Variants in C12orf42 observed in about 807,000 individuals in gnomAD.
The protein encoded by C12orf42 is chromosome 12 open reading frame 42, also known as uncharacterized protein C12orf42.
In C12orf42, 25 loss-of-function variants were observed where a neutral mutation model predicts 21.6. The observed-to-expected ratio is 1.16, with a 90% CI of 0.84 to 1.62. C12orf42 has a LOEUF of 1.62. C12orf42 is among the 40% of genes most tolerant of loss of function. The pLI, the probability that C12orf42 is intolerant of heterozygous loss-of-function variation, is 0.00. For synonymous variants in C12orf42, 174 were observed against 175.0 expected (o/e 0.99, Z 0.05); for missense variants, 483 against 459.3 (o/e 1.05, Z -0.47).
rs117335065 is a variant in C12orf42 at position 103,325,392 on chromosome 12, A to G, written c.260-19047T>C. 7.0e-3 allele frequency among the ~76,000 whole-genome samples: 1,073 copies of G among 152,336 alleles called. 5 individuals are homozygous for G. Among genetic ancestry groups the G allele is most frequent in the Non-Finnish European group, 0.012 (844 of 68,020 alleles). ...CAGTTATCTCTACCAATAAATAATT[A>G]TGTGGCTCAAAGTGCATGTGCCTGC... On this transcript the variant is annotated intron_variant, in intron 4 of 5. Coordinates refer to ENST00000548883, the MANE Select transcript of C12orf42 (RefSeq NM_198521.5).
At chr12:103,386,354 G>A (rs1038248143) in intron 3 of C12orf42, among the ~76,000 whole-genome samples, 15 of 151,902 alleles carry the variant, frequency 9.9e-5, no homozygotes, top group African/African-American at 3.1e-4. Context: ...CTCGGTGGCA[G>A]TTCCAACCTC....
intron 4 of C12orf42, among the ~76,000 whole-genome samples, chr12:103,341,112 CAAAAAAAAA>C (rs34154888): frequency 8.4e-5 from 4 of 47,684 alleles, no homozygotes; most frequent in African/African-American, 3.2e-4. Flanking sequence ...GACTCTGTCT[CAAAAAAAAA>C]AAAAAAAAAA....
the C12orf42 span, among the ~76,000 whole-genome samples, chr12:103,517,660 T>G: frequency 6.6e-6 from 1 of 151,960 alleles, no homozygotes; most frequent in African/African-American, 2.4e-5. Context: ...GGAAGTGTAT[T>G]GCCTTGAGCT....
chr12:103,287,328 G>T (rs530892796), intron 4 of C12orf42, among the ~76,000 whole-genome samples: 25 of 152,288 alleles, frequency 1.6e-4, no homozygotes, highest in African/African-American at 5.8e-4. Context: ...TGATAGACTG[G>T]ATTAAGAAAA....
chr12:103,212,957 G>A, the C12orf42 span, among the ~76,000 whole-genome samples: 1 of 151,806 alleles, frequency 6.6e-6, no homozygotes, highest in Non-Finnish European at 1.5e-5. Context: ...TATATATGGT[G>A]TATGTATGCA....
the C12orf42 span, among the ~76,000 whole-genome samples, chr12:103,508,236 G>A: frequency 6.6e-6 from 1 of 152,158 alleles, no homozygotes; most frequent in African/African-American, 2.4e-5. Context: ...TAAAGGTTGT[G>A]AAAGTGTGAA....
intron 10 of C12orf42, among the ~76,000 whole-genome samples, chr12:103,243,182 C>T: frequency 1.3e-5 from 2 of 152,092 alleles, no homozygotes; most frequent in Middle Eastern, 3.4e-3. Context: ...CACCACCATG[C>T]CCAGCTATTT....
intron 1 of C12orf42, among the ~76,000 whole-genome samples, chr12:103,484,261 A>G (rs1954668922): frequency 6.6e-6 from 1 of 152,220 alleles, no homozygotes; most frequent in Non-Finnish European, 1.5e-5. Flanking sequence ...TGGTTGAACT[A>G]ATTTACACTC....
chr12:103,251,532 A>G (rs774272069), intron 10 of C12orf42, among the ~76,000 whole-genome samples: 10 of 152,150 alleles, frequency 6.6e-5, no homozygotes, highest in Non-Finnish European at 1.3e-4. Flanking sequence ...GGTTTTATAT[A>G]TTAATAGCAT....
chr12:103,366,616 A>T (rs2044626259), intron 4 of C12orf42, among the ~76,000 whole-genome samples: 1 of 152,100 alleles, frequency 6.6e-6, no homozygotes, highest in African/African-American at 2.4e-5. Context: ...ACAAATTAGC[A>T]AGAAAAAAAC....
chr12:103,440,820 G>A (rs892346814), intron 2 of C12orf42, among the ~76,000 whole-genome samples: 5 of 152,022 alleles, frequency 3.3e-5, no homozygotes, highest in African/African-American at 1.2e-4. Flanking sequence ...GAAAAAAAAA[G>A]TGTTTAAATT....
chr12:103,547,103 T>A, the C12orf42 span, among the ~76,000 whole-genome samples: 9 of 152,222 alleles, frequency 5.9e-5, no homozygotes, highest in Non-Finnish European at 1.2e-4. Context: ...TATGTATGCT[T>A]TTCTTTTGTT....
At chr12:103,408,393 G>C (rs12299646) in intron 2 of C12orf42, among the ~76,000 whole-genome samples, 2,747 of 152,288 alleles carry the variant, frequency 0.018, 66 homozygotes, top group African/African-American at 0.057. Flanking sequence ...AGAGGGTGTG[G>C]AGGTGAGGAA....
rs144686660 is a variant in C12orf42 at position 103,306,569 on chromosome 12, T to C, written c.260-224A>G. On this transcript the variant is annotated intron_variant, in intron 4 of 5. Coordinates refer to ENST00000548883, the MANE Select transcript of C12orf42 (RefSeq NM_198521.5). ...GGATGTTTGTGCTGAGTTCTAGTTA[T>C]GTTGAAGGCACCGTGTGAGGCCCCA... Among the ~76,000 whole-genome samples the C allele has an allele frequency of 1.2e-3, 184 of 152,274 alleles. 1 individual carries two copies. The highest frequency in any genetic ancestry group is 4.3e-3 in the African/African-American group (179 of 41,542).
At chr12:103,476,752 C>T (rs966390617) in intron 2 of C12orf42, 1 of 152,152 alleles carries the variant, frequency 6.6e-6, no homozygotes, top group African/African-American at 2.4e-5. Context: ...TAAATGCTAG[C>T]AAAGATGATG....
the C12orf42 span, among the ~76,000 whole-genome samples, chr12:103,543,981 C>T: frequency 6.6e-6 from 1 of 151,834 alleles, no homozygotes; most frequent in African/African-American, 2.4e-5. Context: ...GCAAGTTCCA[C>T]CTCCCGGGTT....
At chr12:103,489,871 T>C (rs1955079930) in intron 1 of C12orf42, among the ~76,000 whole-genome samples, 1 of 152,178 alleles carries the variant, frequency 6.6e-6, no homozygotes, top group South Asian at 2.1e-4. Context: ...TTCCCTTGGC[T>C]AGGAAAGGGA....
intron 4 of C12orf42, among the ~76,000 whole-genome samples, chr12:103,336,196 C>G (rs1014790132): frequency 5.3e-5 from 8 of 152,228 alleles, no homozygotes; most frequent in Non-Finnish European, 1.2e-4. Context: ...AACATAGCGC[C>G]TAGTGGCATC....
the C12orf42 span, chr12:103,164,795 T>C: frequency 1.6e-5 from 7 of 442,056 alleles, no homozygotes; most frequent in South Asian, 6.5e-5. Flanking sequence ...TTGAATTCAA[T>C]TACCGGTTCA....
Sources: gnomAD v4.1 joint callset for allele counts (sites outside exome capture counted in the v4.1 genomes callset) on GRCh38, gnomAD v4.1.1 for gene constraint, MANE v1.5 for transcripts, NCBI Gene and HGNC (gene_info 2026-07-23, HGNC 2026-07-21) for gene names.